Variants in SLC25A21 observed in about 807,000 individuals in gnomAD.
The protein encoded by SLC25A21 is solute carrier family 25 member 21.
Under a neutral mutation model 43.8 loss-of-function variants are expected in SLC25A21, and 47 were observed. The ratio of observed to expected loss-of-function variants is 1.07; its 90% CI spans 0.85 to 1.37. The LOEUF (loss-of-function observed/expected upper bound fraction) is 1.37, where lower values mean the gene tolerates loss of function less well. Ranked by LOEUF, SLC25A21 falls within the 40% of genes most tolerant of loss-of-function variation. SLC25A21 has a pLI of 0.00. For synonymous variants in SLC25A21, 131 were observed against 121.3 expected (o/e 1.08, Z -0.52); for missense variants, 352 against 350.2 (o/e 1.00, Z -0.04).
intron 1 of SLC25A21, among the ~76,000 whole-genome samples, chr14:36,880,337 C>A (rs1890678249): frequency 6.6e-6 from 1 of 152,158 alleles, no homozygotes. Flanking sequence ...TCTGGGTTAT[C>A]TACCTCCAGA....
At chr14:37,145,206 T>C (rs1171586268) in intron 1 of SLC25A21, among the ~76,000 whole-genome samples, 1 of 152,102 alleles carries the variant, frequency 6.6e-6, no homozygotes, top group African/African-American at 2.4e-5. Context: ...AGTTGGGATC[T>C]GGTATCAGGC....
intron 1 of SLC25A21, among the ~76,000 whole-genome samples, chr14:36,984,634 TCTGA>T (rs1026824730): frequency 3.3e-5 from 5 of 152,122 alleles, no homozygotes; most frequent in African/African-American, 1.2e-4. Context: ...TTTTGTTTCT[TCTGA>T]CTCATTTTTT....
chr14:36,833,261 G>T (rs950016038), intron 2 of SLC25A21, among the ~76,000 whole-genome samples: 1 of 152,228 alleles, frequency 6.6e-6, no homozygotes. Flanking sequence ...CGATAGAATA[G>T]ATGGGGTTAA....
intron 1 of SLC25A21, among the ~76,000 whole-genome samples, chr14:37,103,936 T>C (rs997886794): frequency 4.6e-5 from 7 of 152,180 alleles, no homozygotes; most frequent in African/African-American, 1.7e-4. Context: ...CAAGGCAAAT[T>C]GGAAGTGATC....
chr14:36,832,220 T>C (rs1889063620), intron 2 of SLC25A21, among the ~76,000 whole-genome samples: 2 of 152,164 alleles, frequency 1.3e-5, no homozygotes, highest in South Asian at 2.1e-4. Flanking sequence ...TCAAAAAGTA[T>C]GTTTTTCTTC....
Position 36,946,362 on chromosome 14 carries a change from GAGAA to G in SLC25A21, c.71-71362_71-71359del, listed in dbSNP as rs576024881. Among the ~76,000 whole-genome samples the G allele has an allele frequency of 3.9e-5, 6 of 152,192 alleles. No homozygotes were observed. In the South Asian group the frequency reaches 8.3e-4, roughly 21 times the overall value. On this transcript the variant is annotated intron_variant, in intron 1 of 9. Transcript: ENST00000331299. ...TATCCAGTAGCCATCATTTGTACAG[GAGAA>G]AGAAAGTGAGGGTAGTTAGTTTAAA... is the stretch of plus-strand genomic sequence containing the variant.
intron 1 of SLC25A21, among the ~76,000 whole-genome samples, chr14:37,008,355 C>A (rs1223300633): frequency 6.6e-6 from 1 of 152,108 alleles, no homozygotes; most frequent in Non-Finnish European, 1.5e-5. Flanking sequence ...TATCTTTATC[C>A]AGATTTGTAT....
At chr14:36,745,608 T>G (rs1284684841) in intron 3 of SLC25A21, among the ~76,000 whole-genome samples, 1 of 152,200 alleles carries the variant, frequency 6.6e-6, no homozygotes, top group East Asian at 1.9e-4. Flanking sequence ...TGATGAGCAT[T>G]TTTTCATATG....
intron 1 of SLC25A21, among the ~76,000 whole-genome samples, chr14:36,918,240 G>GA (rs1461413984): frequency 1.3e-5 from 2 of 152,144 alleles, no homozygotes; most frequent in Non-Finnish European, 1.5e-5. Context: ...GCAGATGGTA[G>GA]ACATACTTTG....
chr14:37,067,583 A>G (rs1962086501), intron 1 of SLC25A21, among the ~76,000 whole-genome samples: 1 of 152,176 alleles, frequency 6.6e-6, no homozygotes, highest in South Asian at 2.1e-4. Context: ...CAGATGGAAA[A>G]TCTGAGATGC....
intron 3 of SLC25A21, among the ~76,000 whole-genome samples, chr14:36,784,900 A>T (rs938089007): frequency 1.3e-5 from 2 of 152,200 alleles, no homozygotes; most frequent in Non-Finnish European, 2.9e-5. Flanking sequence ...GTTTGTTTTT[A>T]AAAATATTTA....
At chr14:36,962,169 C>T (rs947696572) in intron 1 of SLC25A21, among the ~76,000 whole-genome samples, 3 of 152,078 alleles carry the variant, frequency 2.0e-5, no homozygotes, top group South Asian at 4.2e-4. Context: ...TCTACCAGGT[C>T]CCATGCTATT....
At chr14:36,814,130 T>C (rs887263740) in intron 2 of SLC25A21, 129 bp from the exon 3 acceptor site, 3 of 596,690 alleles carry the variant, frequency 5.0e-6, no homozygotes, top group Non-Finnish European at 8.7e-6. Flanking sequence ...ATGGATTTTA[T>C]TCATTTATTA....
At chr14:36,892,803 G>T (rs1261107285) in intron 1 of SLC25A21, among the ~76,000 whole-genome samples, 7 of 152,006 alleles carry the variant, frequency 4.6e-5, no homozygotes, top group Non-Finnish European at 8.8e-5. Context: ...GCGGTGTTTG[G>T]TTTTTTGTCC....
chr14:37,159,560 A>G (rs1309210265), intron 1 of SLC25A21, among the ~76,000 whole-genome samples: 2 of 152,086 alleles, frequency 1.3e-5, no homozygotes, highest in African/African-American at 4.8e-5. Context: ...TTCTCTCACA[A>G]TATACAAAAA....
intron 3 of SLC25A21, among the ~76,000 whole-genome samples, chr14:36,775,133 A>G (rs1886777221): frequency 6.6e-6 from 1 of 152,196 alleles, no homozygotes; most frequent in South Asian, 2.1e-4. Context: ...AGAATTCTGT[A>G]ATTGCTTATT....
At chr14:36,898,213 C>G (rs1891298581) in intron 1 of SLC25A21, among the ~76,000 whole-genome samples, 1 of 152,178 alleles carries the variant, frequency 6.6e-6, no homozygotes, top group Non-Finnish European at 1.5e-5. Flanking sequence ...CTTTGTTTAC[C>G]CACTCAAGCC....
At chr14:36,827,863 A>C (rs1888891530) in intron 2 of SLC25A21, among the ~76,000 whole-genome samples, 1 of 152,246 alleles carries the variant, frequency 6.6e-6, no homozygotes, top group South Asian at 2.1e-4. Flanking sequence ...GCAAGTATAC[A>C]GTTGAAGATA....
intron 3 of SLC25A21, among the ~76,000 whole-genome samples, chr14:36,747,951 A>G (rs904135217): frequency 1.3e-5 from 2 of 152,226 alleles, no homozygotes; most frequent in East Asian, 3.9e-4. Flanking sequence ...AATTGAGACT[A>G]TTGAGGGAGG....
Sources: allele counts gnomAD v4.1 joint callset (sites outside exome capture counted in the v4.1 genomes callset), GRCh38; gene constraint gnomAD v4.1.1; transcripts MANE v1.5; gene names NCBI Gene and HGNC (gene_info 2026-07-23, HGNC 2026-07-21).